INPP4B: variants seen among roughly 807,000 people sequenced by gnomAD.
The protein encoded by INPP4B is inositol polyphosphate-4-phosphatase type II B.
A neutral mutation model predicts 122.5 loss-of-function variants in INPP4B; 55 were observed. That is an observed-to-expected ratio of 0.45 (90% confidence interval 0.36 to 0.56). The LOEUF is 0.56. Among genes scored for constraint, INPP4B ranks in the 20% least tolerant of loss-of-function variants. INPP4B has a pLI of 0.00. For missense variants in INPP4B, 1,000 were observed against 1,097.7 expected (o/e 0.91, Z 1.26); for synonymous variants, 403 against 388.7 (o/e 1.04, Z -0.43).
At chr4:142,210,744 T>A (rs999783471) in intron 12 of INPP4B, among the ~76,000 whole-genome samples, 3 of 152,158 alleles carry the variant, frequency 2.0e-5, no homozygotes, top group Non-Finnish European at 4.4e-5. Context: ...TTTTATTTAG[T>A]ACTAATAGAT....
At chr4:142,833,975 G>A (rs186851536) in intron 1 of INPP4B, among the ~76,000 whole-genome samples, 32 of 152,236 alleles carry the variant, frequency 2.1e-4, no homozygotes, top group African/African-American at 7.0e-4. Context: ...AATCTGGGTA[G>A]TGATTTTTGA....
chr4:142,424,385 A>G (rs1048426068), intron 5 of INPP4B, among the ~76,000 whole-genome samples: 20 of 152,072 alleles, frequency 1.3e-4, no homozygotes, highest in Admixed American at 7.9e-4. Context: ...TAAAAACAAC[A>G]ACACTTGATT....
At chr4:142,529,197 T>C (rs1296279974) in intron 2 of INPP4B, among the ~76,000 whole-genome samples, 3 of 152,116 alleles carry the variant, frequency 2.0e-5, no homozygotes, top group Non-Finnish European at 2.9e-5. Flanking sequence ...GGATCTGATA[T>C]AACAATATGA....
At chr4:142,282,686 T>C (rs190080986) in intron 9 of INPP4B, among the ~76,000 whole-genome samples, 11 of 152,270 alleles carry the variant, frequency 7.2e-5, no homozygotes, top group African/African-American at 2.6e-4. Context: ...GCCCTCCACA[T>C]TGGCAGTTCA....
chr4:142,363,569 AG>A (rs1289402041), intron 7 of INPP4B, among the ~76,000 whole-genome samples: 1 of 151,932 alleles, frequency 6.6e-6, no homozygotes, highest in East Asian at 1.9e-4. Flanking sequence ...TAGATATGGA[AG>A]TATTTGTAAA....
intron 12 of INPP4B, among the ~76,000 whole-genome samples, chr4:142,218,919 C>T (rs1848351916): frequency 6.6e-6 from 1 of 152,112 alleles, no homozygotes; most frequent in African/African-American, 2.4e-5. Flanking sequence ...TTGGGTGACA[C>T]CATAAAACTG....
At chr4:142,055,761 A>C (rs1757322465) in intron 25 of INPP4B, among the ~76,000 whole-genome samples, 1 of 151,664 alleles carries the variant, frequency 6.6e-6, no homozygotes, top group Admixed American at 6.6e-5. Context: ...AGCAGTCCCC[A>C]CACTTTTTGG....
intron 7 of INPP4B, among the ~76,000 whole-genome samples, chr4:142,330,393 T>C (rs765033602): frequency 6.6e-6 from 1 of 152,206 alleles, no homozygotes; most frequent in Non-Finnish European, 1.5e-5. Flanking sequence ...GTTAAAGTTG[T>C]GAAACATTCT....
intron 2 of INPP4B, among the ~76,000 whole-genome samples, chr4:142,647,333 T>G (rs1751995559): frequency 6.6e-6 from 1 of 152,128 alleles, no homozygotes; most frequent in South Asian, 2.1e-4. Flanking sequence ...AAATAATAAT[T>G]TGGAAATGAA....
chr4:142,160,598 T>C (rs1212972482), intron 16 of INPP4B, 37 bp from the exon 17 acceptor site: 1 of 1,497,236 alleles, frequency 6.7e-7, no homozygotes, highest in Non-Finnish European at 9.2e-7. Flanking sequence ...AACACCTTGG[T>C]AGGCATCTCA....
At chr4:142,363,101 C>G (rs1249179810) in intron 7 of INPP4B, among the ~76,000 whole-genome samples, 1 of 151,976 alleles carries the variant, frequency 6.6e-6, no homozygotes, top group Non-Finnish European at 1.5e-5. Flanking sequence ...CGCCATTTAG[C>G]TCAAGAACCA....
chr4:142,668,412 G>A (rs923459601), intron 2 of INPP4B, among the ~76,000 whole-genome samples: 3 of 152,130 alleles, frequency 2.0e-5, no homozygotes, highest in Admixed American at 6.5e-5. Flanking sequence ...CTGGAAAAAA[G>A]TTGAAAGCTT....
chr4:142,145,984 C>T lies in INPP4B; in HGVS notation c.1576G>A (p.Ala526Thr), dbSNP rs769499754. 10 of 1,612,664 alleles carry T rather than the reference C, an allele frequency of 6.2e-6. No homozygotes were observed. The East Asian group carries it at 1.8e-4, about 29-fold the overall frequency. The change falls in exon 18 of 26, where the codon GCC (alanine) becomes ACC (threonine). Residue 526 changes from alanine (A) to threonine (T), a missense_variant. By Grantham distance (58) the Ala-to-Thr change is moderately conservative. Transcript: ENST00000262992. ...CAGTTCAGGCTCTTCCCCACATTGG[C>T]CCACACCCTGTCCTGAAAAAAGCAT... ...YDEEEWDRVW[A>T]NVGKSLNCII...
chr4:142,185,560 A>C (rs756041875), intron 15 of INPP4B, among the ~76,000 whole-genome samples: 6 of 152,066 alleles, frequency 3.9e-5, no homozygotes, highest in Admixed American at 2.6e-4. Context: ...CTCTTAACTA[A>C]GAAATCTTAG....
rs1809674454 is a variant in INPP4B, at chr4:142,433,049, T to C, written c.-126-1664A>G. Among the ~76,000 whole-genome samples, 5 of 152,264 alleles carry C rather than the reference T, an allele frequency of 3.3e-5. No homozygotes were observed. The South Asian group carries it at 8.3e-4, about 25-fold the overall frequency. ...CGCTAAGTGAAAATAAATTCAATTT[T>C]AGAGAGAATGAAGTTAAATATACAA... On this transcript the variant is annotated intron_variant, in intron 3 of 25. Transcript: ENST00000262992.
chr4:142,774,649 C>A (rs193000368), intron 1 of INPP4B, among the ~76,000 whole-genome samples: 128 of 152,074 alleles, frequency 8.4e-4, no homozygotes, highest in Non-Finnish European at 1.3e-3. Flanking sequence ...ATCATCTGTT[C>A]CATTTACAAG....
intron 18 of INPP4B, among the ~76,000 whole-genome samples, chr4:142,135,463 C>T (rs1436995427): frequency 6.6e-6 from 1 of 152,070 alleles, no homozygotes; most frequent in Non-Finnish European, 1.5e-5. Flanking sequence ...TTTGAAAAAT[C>T]AGAAGGGATG....
At chr4:142,359,229 A>C (rs977618) in intron 7 of INPP4B, among the ~76,000 whole-genome samples, 48,339 of 151,534 alleles carry the variant, frequency 0.32, 8,231 homozygotes, top group East Asian at 0.47. Context: ...AACAAACAAA[A>C]AAAAAAAACA....
intron 7 of INPP4B, 150 bp downstream of exon 7, chr4:142,402,788 A>G: frequency 1.7e-6 from 1 of 592,230 alleles, no homozygotes; most frequent in Non-Finnish European, 3.0e-6. Context: ...AGACAAACAT[A>G]TTTGGGAAAA....
Sources: gnomAD v4.1 joint callset for allele counts (sites outside exome capture counted in the v4.1 genomes callset) on GRCh38, gnomAD v4.1.1 for gene constraint, MANE v1.5 for transcripts, NCBI Gene and HGNC (gene_info 2026-07-23, HGNC 2026-07-21) for gene names.